SLC36A1: variants seen among roughly 807,000 people sequenced by gnomAD.
The protein encoded by SLC36A1 is solute carrier family 36 member 1.
SLC36A1 carries 30 observed loss-of-function variants against 47.5 expected under a neutral mutation model. The ratio of observed to expected loss-of-function variants is 0.63; its 90% confidence interval spans 0.47 to 0.86. The LOEUF (loss-of-function observed/expected upper bound fraction) is 0.86. SLC36A1 is among the 40% of genes least tolerant of loss of function. The pLI, the probability that SLC36A1 is intolerant of heterozygous loss-of-function variation, is 0.00. For missense variants in SLC36A1, 517 were observed against 606.0 expected, an observed-to-expected ratio of 0.85 and a Z score of 1.54; for synonymous variants, 255 against 249.7, an observed-to-expected ratio of 1.02 and a Z score of -0.20.
At chr5:151,376,614 A>G in the SLC36A1 span, among the ~76,000 whole-genome samples, 3 of 151,998 alleles carry the variant, frequency 2.0e-5, no homozygotes, top group African/African-American at 4.8e-5. Flanking sequence ...ATTATGTTGT[A>G]TATCCATTTC....
the SLC36A1 span, chr5:151,542,670 C>T: frequency 6.2e-7 from 1 of 1,614,210 alleles, no homozygotes; most frequent in Non-Finnish European, 8.5e-7. Flanking sequence ...CAATGGCAGT[C>T]ACTTGAATGA....
chr5:151,532,055 G>T, the SLC36A1 span: 7 of 1,530,042 alleles, frequency 4.6e-6, no homozygotes, highest in Admixed American at 1.9e-5. Flanking sequence ...CACAGGAGGG[G>T]CTGGGGAGGG....
At chr5:151,502,993 T>C in the SLC36A1 span, among the ~76,000 whole-genome samples, 31 of 148,232 alleles carry the variant, frequency 2.1e-4, 3 homozygotes, top group Admixed American at 7.9e-4. Flanking sequence ...TTGAAAAAGC[T>C]ACGTATCATA....
rs12109979 is a variant in SLC36A1, at chr5:151,470,358, A to T, written c.723+2433A>T. Among the ~76,000 whole-genome samples the T allele has an allele frequency of 4.1e-3, 618 of 152,258 alleles. 5 individuals carry two copies. Among genetic ancestry groups the T allele is most frequent in the African/African-American group, 0.014 (598 of 41,538 alleles). ...GCCATGATCAGAGGGCTGGGATAAG[A>T]ATTTGGGTTCTTATAGCGTCTCAGT... On this transcript the variant is annotated intron_variant, in intron 7 of 10. Coordinates refer to ENST00000243389, the MANE Select transcript of SLC36A1 (RefSeq NM_078483.4).
chr5:151,353,591 T>G, the SLC36A1 span, among the ~76,000 whole-genome samples: 1 of 152,058 alleles, frequency 6.6e-6, no homozygotes, highest in African/African-American at 2.4e-5. Context: ...AGAATTTACT[T>G]TGGGGTTCAT....
At chr5:151,395,936 A>G in the SLC36A1 span, among the ~76,000 whole-genome samples, 1 of 151,904 alleles carries the variant, frequency 6.6e-6, no homozygotes. Context: ...CAGCCTTCTT[A>G]GTAGCTGGGA....
chr5:151,350,213 AATG>A, the SLC36A1 span, among the ~76,000 whole-genome samples: 1 of 152,034 alleles, frequency 6.6e-6, no homozygotes, highest in Non-Finnish European at 1.5e-5. Flanking sequence ...TCTAAATAAT[AATG>A]ATAATAGCGA....
chr5:151,535,127 A>C, the SLC36A1 span, among the ~76,000 whole-genome samples: 1 of 151,788 alleles, frequency 6.6e-6, no homozygotes, highest in Non-Finnish European at 1.5e-5. Context: ...CTGGTTAAGT[A>C]TATTATGATT....
chr5:151,425,790 T>C, the SLC36A1 span, among the ~76,000 whole-genome samples: 1 of 152,342 alleles, frequency 6.6e-6, no homozygotes, highest in Non-Finnish European at 1.5e-5. Context: ...GATACATAGT[T>C]TACCAGAATA....
chr5:151,528,382 A>G, the SLC36A1 span, among the ~76,000 whole-genome samples: 4 of 152,186 alleles, frequency 2.6e-5, no homozygotes, highest in Non-Finnish European at 5.9e-5. Flanking sequence ...GAATGTGAGG[A>G]ATGTGCTAAA....
chr5:151,400,898 A>T, the SLC36A1 span, among the ~76,000 whole-genome samples: 3 of 152,054 alleles, frequency 2.0e-5, no homozygotes, highest in African/African-American at 7.2e-5. Context: ...GAATTATTCA[A>T]GTTCCTTATA....
At chr5:151,352,051 G>T in the SLC36A1 span, among the ~76,000 whole-genome samples, 1 of 152,046 alleles carries the variant, frequency 6.6e-6, no homozygotes, top group African/African-American at 2.4e-5. Context: ...ATTAAATTTT[G>T]TCCTTTCCCT....
At chr5:151,509,877 C>T in the SLC36A1 span, 1 of 924,142 alleles carries the variant, frequency 1.1e-6, no homozygotes, top group Non-Finnish European at 1.6e-6. Flanking sequence ...GGTTGGGGAC[C>T]ACTGCCCTAA....
chr5:151,465,057 C>T lies in SLC36A1; in HGVS notation c.324-17C>T, dbSNP rs751056531. The stretch of plus-strand genomic sequence containing the variant: ...ATCCACGTGCTCTGTCCTTCCTCTT[C>T]CCTCCTACTCTTCCAGGCTGAATAA... On this transcript the variant is annotated splice_polypyrimidine_tract_variant and intron_variant, in intron 4 of 10. Transcript: ENST00000243389. The T allele has an allele frequency of 2.5e-6, 4 of 1,593,470 alleles. No individual in the cohort carries two copies. The highest frequency in any genetic ancestry group is 3.4e-6 in the Non-Finnish European group (4 of 1,161,090).
At chr5:151,503,512 G>A in the SLC36A1 span, among the ~76,000 whole-genome samples, 4 of 150,760 alleles carry the variant, frequency 2.7e-5, no homozygotes, top group Admixed American at 1.3e-4. Context: ...TGTCTCCCAC[G>A]GGTGTGCCTT....
At chr5:151,483,556 C>T (rs534906387) in intron 10 of SLC36A1, among the ~76,000 whole-genome samples, 6 of 150,614 alleles carry the variant, frequency 4.0e-5, no homozygotes, top group Non-Finnish European at 8.8e-5. Flanking sequence ...GAGGGCTGTT[C>T]CTGGCTGGCT....
the SLC36A1 span, among the ~76,000 whole-genome samples, chr5:151,423,724 A>G: frequency 6.6e-6 from 1 of 152,244 alleles, no homozygotes; most frequent in Admixed American, 6.5e-5. Context: ...ATGCCATTGT[A>G]TATTTGTCCA....
the SLC36A1 span, among the ~76,000 whole-genome samples, chr5:151,365,382 A>G: frequency 6.6e-6 from 1 of 152,248 alleles, no homozygotes; most frequent in Non-Finnish European, 1.5e-5. Context: ...AAACACATCA[A>G]AAATCCTGTC....
chr5:151,518,368 A>ATTATTATTATTATTATT, the SLC36A1 span, among the ~76,000 whole-genome samples: 2,437 of 82,364 alleles, frequency 0.03, 34 homozygotes, highest in Non-Finnish European at 0.051. Context: ...TAATAATAAT[A>ATTATTATTATTATTATT]ATAATAATTT....
Sources: allele counts gnomAD v4.1 joint callset (sites outside exome capture counted in the v4.1 genomes callset), GRCh38; gene constraint gnomAD v4.1.1; transcripts MANE v1.5; gene names NCBI Gene and HGNC (gene_info 2026-07-23, HGNC 2026-07-21).